BUB1B: variants seen among roughly 807,000 people sequenced by gnomAD.
BUB1B encodes the protein BUB1 mitotic checkpoint serine/threonine kinase B.
Under a neutral mutation model 137.7 loss-of-function variants are expected in BUB1B, and 86 were observed. That is an observed-to-expected ratio of 0.62 (90% CI 0.52 to 0.75). BUB1B has a LOEUF of 0.75. BUB1B is among the 30% of genes least tolerant of loss of function. The pLI is 0.00. For synonymous variants in BUB1B, 420 were observed against 417.9 expected (o/e 1.00, Z -0.06); for missense variants, 1,130 against 1,236.9 (o/e 0.91, Z 1.30).
At chr15:40,217,703 G>A (rs2037816803) in intron 21 of BUB1B, 36 bp downstream of exon 21, 4 of 1,610,222 alleles carry the variant, frequency 2.5e-6, no homozygotes, top group Admixed American at 3.3e-5. Flanking sequence ...ATATGGAGAG[G>A]GTTTCTTAAT....
At chr15:40,170,899 C>G (rs577626539) in intron 4 of BUB1B, among the ~76,000 whole-genome samples, 8 of 152,032 alleles carry the variant, frequency 5.3e-5, no homozygotes, top group African/African-American at 1.4e-4. Flanking sequence ...TAAGATTGAT[C>G]GCAAAGTCTG....
rs906743871 is a variant in BUB1B, at chr15:40,170,405, C to A, written c.240-132C>A. On this transcript the variant is annotated intron_variant, in intron 3 of 22. Coordinates refer to ENST00000287598, the MANE Select transcript of BUB1B (RefSeq NM_001211.6). Reference sequence around the variant, plus strand: ...TTTGGAGAAGTTTGAGGGATACAGGCTTAGGGTATGTCATTGAGGACCTCA... The same window carrying A: ...TTTGGAGAAGTTTGAGGGATACAGGATTAGGGTATGTCATTGAGGACCTCA... 1.1e-5 allele frequency: 12 copies of A among 1,094,808 alleles called. No individual in the cohort carries two copies. The Admixed American group carries it at 2.2e-4, about 20-fold the overall frequency. 67.8% of individuals were successfully genotyped at this position (1,094,808 alleles called of 1,614,324 possible).
intron 11 of BUB1B, 101 bp from the exon 12 acceptor site, chr15:40,200,830 G>A: frequency 1.0e-6 from 1 of 961,968 alleles, no homozygotes; most frequent in Admixed American, 2.0e-5. Context: ...TTATCTTAGA[G>A]TAAATATTAT....
At chr15:40,186,462 G>A (rs1335177341) in intron 8 of BUB1B, among the ~76,000 whole-genome samples, 1 of 114,950 alleles carries the variant, frequency 8.7e-6, no homozygotes, top group Non-Finnish European at 1.7e-5. Context: ...TTTTGAGATG[G>A]AGTCTCGCTG....
At chr15:40,178,517 T>TGAA (rs935046957) in intron 5 of BUB1B, among the ~76,000 whole-genome samples, 2 of 152,128 alleles carry the variant, frequency 1.3e-5, no homozygotes, top group African/African-American at 4.8e-5. Context: ...CATGTACACT[T>TGAA]GAAAAATATG....
In BUB1B at chr15:40,183,881, A is replaced by G; in HGVS notation, c.749A>G (p.Lys250Arg). 1 of 1,614,016 alleles carries G rather than the reference A, an allele frequency of 6.2e-7. No homozygotes were observed. The highest frequency in any genetic ancestry group is 1.3e-5 in the African/African-American group (1 of 75,044). Residue 250 changes from lysine to arginine, a missense_variant and splice_region_variant, in exon 6 of 23, where the codon AAG (lysine) becomes AGG (arginine). Coordinates refer to ENST00000287598, the MANE Select transcript of BUB1B (RefSeq NM_001211.6). The stretch of plus-strand genomic sequence containing the variant: ...ATCATCCGTGTAGGAGGTGCTCTCA[A>G]GGGTAAGTTTGTTAAACGTTATTTC... ...APIIRVGGALKAPSQNRGLQN... is the reference protein window; with the variant it reads ...APIIRVGGALRAPSQNRGLQN...
At chr15:40,192,166 G>A (rs970918044) in intron 8 of BUB1B, among the ~76,000 whole-genome samples, 5 of 152,138 alleles carry the variant, frequency 3.3e-5, no homozygotes, top group Non-Finnish European at 7.4e-5. Context: ...AATTCTTTCA[G>A]TGTTTTGTAG....
In BUB1B at chr15:40,212,560, A is replaced by G. The variant is rs1279903252; in HGVS notation, c.2447A>G (p.Asn816Ser). The part of the protein sequence containing the change: ...YINLKLKERL[N>S]EDFDHFCSCY... ...AACCTCAAGTTAAAGGAACGTTTAA[A>G]TGAAGATTTTGATCATTTTTGCAGC... The change falls in exon 19 of 23, where the codon AAT becomes AGT. Residue 816 changes from asparagine to serine, a missense_variant. Coordinates refer to ENST00000287598, the MANE Select transcript of BUB1B (RefSeq NM_001211.6). 4 of 1,613,274 alleles carry G rather than the reference A, an allele frequency of 2.5e-6. No homozygotes were observed. The highest frequency in any genetic ancestry group is 1.6e-4 in the Middle Eastern group (1 of 6,072).
chr15:40,170,595 A>T lies in BUB1B; in HGVS notation c.298A>T (p.Thr100Ser). The change falls in exon 4 of 23, where the codon ACG becomes TCG. Residue 100 changes from threonine to serine, a missense_variant. Coordinates refer to ENST00000287598, the MANE Select transcript of BUB1B (RefSeq NM_001211.6). ...AGGTGGGAAGGAGAGTAATATGTCA[A>T]CGTTATTAGAAAGAGCTGTAGAAGC... ...PQGGKESNMS[T>S]LLERAVEALQ... 5 of 1,612,992 alleles carry T rather than the reference A, an allele frequency of 3.1e-6. No homozygotes were observed. The highest frequency in any genetic ancestry group is 4.2e-6 in the Non-Finnish European group (5 of 1,178,990).
intron 22 of BUB1B, among the ~76,000 whole-genome samples, chr15:40,219,684 C>T (rs764031422): frequency 6.6e-6 from 1 of 151,618 alleles, no homozygotes; most frequent in African/African-American, 2.4e-5. Flanking sequence ...CGCGCCACTG[C>T]ACTCCACCCA....
Position 40,185,206 on chromosome 15 carries a change from C to T in BUB1B, c.793C>T (p.Gln265Ter). The change falls in exon 7 of 23, where the codon CAG (glutamine) becomes TAG (stop). Residue 265 changes from glutamine to a stop codon, truncating the protein, a stop_gained. Transcript: ENST00000287598. LOFTEE classifies it high-confidence loss of function. ...AGGACTCCAAAATCCATTTCCTCAA[C>T]AGATGCAAAATAATAGTAGAATTAC... ...NRGLQNPFPQ[Q>*]MQNNSRITVF... 6.2e-7 allele frequency: 1 copy of T among 1,614,110 alleles called. No individual in the cohort carries two copies. Among genetic ancestry groups the T allele is most frequent in the Non-Finnish European group, 8.5e-7 (1 of 1,180,012 alleles).
At chr15:40,215,787 A>C (rs1024999339) in intron 20 of BUB1B, among the ~76,000 whole-genome samples, 8 of 151,618 alleles carry the variant, frequency 5.3e-5, no homozygotes, top group African/African-American at 1.9e-4. Context: ...ACAACAACAA[A>C]AGCCAGAAAG....
rs141119531 is a variant in BUB1B, at chr15:40,217,579, A to T, written c.2762A>T (p.Gln921Leu). ...DFSYSVDLRV[Q>L]LDVFTLSGFR... The stretch of plus-strand genomic sequence containing the variant: ...TCCTACAGTGTTGACCTTAGGGTGC[A>T]GCTGGATGTTTTTACCCTCAGCGGC... Residue 921 changes from glutamine to leucine, a missense_variant, in exon 21 of 23, where the codon CAG becomes CTG. Physicochemically the swap from Gln to Leu is moderately radical, Grantham distance 113 (BLOSUM62 -2). Transcript: ENST00000287598. 44 of 1,614,182 alleles carry T rather than the reference A, an allele frequency of 2.7e-5. No homozygotes were observed. The African/African-American group carries it at 4.9e-4, about 18-fold the overall frequency.
At chr15:40,204,752 T>G (rs1052095936) in intron 14 of BUB1B, among the ~76,000 whole-genome samples, 1 of 151,828 alleles carries the variant, frequency 6.6e-6, no homozygotes, top group South Asian at 2.1e-4. Context: ...TCCTCCCACC[T>G]CAGCCTCCCA....
rs539449065 is a variant in BUB1B at position 40,187,829 on chromosome 15, G to A, written c.1058+2187G>A. On this transcript the variant is annotated intron_variant, in intron 8 of 22. Coordinates refer to ENST00000287598, the MANE Select transcript of BUB1B (RefSeq NM_001211.6). Reference sequence around the variant, plus strand: ...GAGGCTAGGGATCACTTGAGCCCAGGAGTTTGTGGCTACGGTGAGCTGTGA... The same window carrying A: ...GAGGCTAGGGATCACTTGAGCCCAGAAGTTTGTGGCTACGGTGAGCTGTGA... Among the ~76,000 whole-genome samples, 276 of 152,212 alleles carry A rather than the reference G, an allele frequency of 1.8e-3. 1 individual carries two copies. Among genetic ancestry groups the A allele is most frequent in the African/African-American group, 6.3e-3 (263 of 41,554 alleles).
chr15:40,185,107 T>C, intron 6 of BUB1B, 58 bp from the exon 7 acceptor site: 1 of 1,421,270 alleles, frequency 7.0e-7, no homozygotes, highest in Non-Finnish European at 9.9e-7. Flanking sequence ...ATACTTTATC[T>C]GGCATCTAAG....
chr15:40,200,732 G>C (rs2140900876), intron 11 of BUB1B, among the ~76,000 whole-genome samples, 199 bp from the exon 12 acceptor site: 1 of 152,188 alleles, frequency 6.6e-6, no homozygotes, highest in South Asian at 2.1e-4. Flanking sequence ...AATGCAACTT[G>C]ACATCTATTA....
intron 3 of BUB1B, 69 bp downstream of exon 3, chr15:40,170,190 A>C (rs2037145815): frequency 7.6e-6 from 11 of 1,445,672 alleles, no homozygotes; most frequent in African/African-American, 1.4e-5. Flanking sequence ...ATGTTTCTCA[A>C]ATTGGGGTAT....
Position 40,180,251 on chromosome 15 carries a change from C to CTTTTTTTT in BUB1B, c.582-3450_582-3443dup, listed in dbSNP as rs34300396. Among the ~76,000 whole-genome samples, 59 of 90,496 alleles carry CTTTTTTTT rather than the reference C, an allele frequency of 6.5e-4. 3 individuals are homozygous for CTTTTTTTT. Among genetic ancestry groups the CTTTTTTTT allele is most frequent in the African/African-American group, 1.9e-3 (42 of 22,604 alleles). The allele number at this position is 90,496 out of a possible 152,430, so 59.4% of individuals were successfully genotyped here. A position where few individuals can be genotyped will look rare whatever the true frequency, so the allele number is the denominator to read the frequency against. On this transcript the variant is annotated intron_variant, in intron 5 of 22. Coordinates refer to ENST00000287598, the MANE Select transcript of BUB1B (RefSeq NM_001211.6). ...AGAATTCTGGGTCAACGTTTCGTTT[C>CTTTTTTTT]TTTTTTTTTTTTTTTTTTTTGAGAT...
Sources: gnomAD v4.1 joint callset for allele counts (sites outside exome capture counted in the v4.1 genomes callset) on GRCh38, gnomAD v4.1.1 for gene constraint, MANE v1.5 for transcripts, NCBI Gene and HGNC (gene_info 2026-07-23, HGNC 2026-07-21) for gene names.